Variants in WDR45 observed in about 807,000 individuals in gnomAD.
The protein encoded by WDR45 is WD repeat domain 45, also known as WD repeat domain phosphoinositide-interacting protein 4.
A neutral mutation model predicts 27.3 loss-of-function variants in WDR45; 2 were observed. That is an observed-to-expected ratio of 0.07 (90% confidence interval 0.03 to 0.23). The LOEUF (loss-of-function observed/expected upper bound fraction) is 0.23. WDR45 is among the 10% of genes least tolerant of loss of function. WDR45 has a pLI of 1.00. For missense variants in WDR45, 175 were observed against 311.9 expected (o/e 0.56, Z 3.31); for synonymous variants, 99 against 119.2 (o/e 0.83, Z 1.11).
At chrX:49,092,231 C>T (rs950139496) in intron 2 of WDR45, among the ~76,000 whole-genome samples, 3 of 108,647 alleles carry the variant, frequency 2.8e-5, no homozygotes, top group Non-Finnish European at 5.7e-5. Context: ...AAAGCAGATC[C>T]GTGGTTGCTT....
chrX:49,074,958 A>G, intron 10 of WDR45, 46 bp from the exon 11 acceptor site: 1 of 1,137,775 alleles, frequency 8.8e-7, no homozygotes, highest in Non-Finnish European at 1.2e-6. Context: ...CCACAGCCAC[A>G]GGCTCCAGTC....
intron 1 of WDR45, among the ~76,000 whole-genome samples, chrX:49,078,435 T>C (rs1426688946): frequency 9.0e-6 from 1 of 111,565 alleles, no homozygotes; most frequent in East Asian, 2.8e-4. Context: ...GGCAGGAGAA[T>C]TGCTTGAACC....
At chrX:49,086,991 T>A (rs886588009) in intron 2 of WDR45, among the ~76,000 whole-genome samples, 4 of 111,523 alleles carry the variant, frequency 3.6e-5, no homozygotes, top group African/African-American at 1.3e-4. Context: ...CAGCCTAGTT[T>A]TATTTTCTCA....
At chrX:49,086,684 C>T (rs781812045) in intron 2 of WDR45, among the ~76,000 whole-genome samples, 53 of 111,173 alleles carry the variant, frequency 4.8e-4, no homozygotes, top group African/African-American at 1.7e-3. Flanking sequence ...GCCTCCGTCT[C>T]CTGGGTTCAA....
chrX:49,075,602 T>A lies in WDR45; in HGVS notation c.668A>T (p.Gln223Leu). The change falls in exon 8 of 11, where the codon CAA (glutamine) becomes CTA (leucine). Residue 223 changes from glutamine to leucine, a missense_variant. Around this residue, in one of 3 missense-constraint regions of WDR45, gnomAD observed 71 missense variants for 123.0 expected, o/e 0.58. Transcript: ENST00000376372. ...CAGCTCCACCAGTTTCTCCTTGGAT[T>A]GTGTGTCAAAGAGGCGAATAAGGGT... The part of the protein sequence containing the change: ...KGTLIRLFDT[Q>L]SKEKLVELRR... 1 of 1,211,519 alleles carries A rather than the reference T, an allele frequency of 8.3e-7. No homozygotes were observed. The highest frequency in any genetic ancestry group is 1.1e-6 in the Non-Finnish European group (1 of 895,430).
intron 2 of WDR45, among the ~76,000 whole-genome samples, chrX:49,089,057 G>A (rs782057035): frequency 9.1e-4 from 102 of 112,295 alleles, no homozygotes; most frequent in Non-Finnish European, 1.8e-3. Context: ...GGAGGCCAAG[G>A]TGGGTGGATC....
At chrX:49,096,279 G>A (rs1223805130) in intron 2 of WDR45, among the ~76,000 whole-genome samples, 12 of 110,899 alleles carry the variant, frequency 1.1e-4, no homozygotes, top group African/African-American at 2.6e-4. Flanking sequence ...CACCTAGGCC[G>A]CAGTGCAGTG....
chrX:49,092,096 G>A (rs1180332750), intron 2 of WDR45, among the ~76,000 whole-genome samples: 4 of 71,753 alleles, frequency 5.6e-5, no homozygotes, highest in African/African-American at 2.2e-4. Flanking sequence ...CTCCAGCCTG[G>A]GCAACAGAGC....
intron 2 of WDR45, among the ~76,000 whole-genome samples, chrX:49,099,273 G>T (rs913106016): frequency 1.3e-4 from 14 of 107,426 alleles, no homozygotes; most frequent in African/African-American, 2.1e-4. Flanking sequence ...GCAGTGAGCC[G>T]AGATCACACC....
rs1444213184 is a variant in WDR45 at position 49,098,508 on chromosome X, A to G, written c.-18+1697T>C. Among the ~76,000 whole-genome samples, 157 of 94,659 alleles carry G rather than the reference A, an allele frequency of 1.7e-3. 1 individual carries two copies. Among genetic ancestry groups the G allele is most frequent in the Non-Finnish European group, 1.1e-3 (53 of 46,408 alleles). The allele number at this position is 94,659 out of a possible 115,157, so 82.2% of individuals were successfully genotyped here. A position where few individuals can be genotyped will look rare whatever the true frequency, so the allele number is the denominator to read the frequency against. On this transcript the variant is annotated intron_variant, in intron 2 of 11. Transcript: ENST00000356463. ...GAGAACCTATCTTAAAAAAAAAAAG[A>G]AAAAAAAAAGGTAATAAAGGCTGGG...
At chrX:49,087,448 G>A (rs2065090271) in intron 2 of WDR45, among the ~76,000 whole-genome samples, 1 of 112,031 alleles carries the variant, frequency 8.9e-6, no homozygotes, top group Non-Finnish European at 1.9e-5. Context: ...ACTTGAACCC[G>A]GGAGGTGGAG....
chrX:49,100,611 A>C, intron 1 of WDR45: 1 of 114,224 alleles, frequency 8.8e-6, no homozygotes. Flanking sequence ...AGACGTGTCA[A>C]CGCAGCCATC....
chrX:49,092,308 A>G (rs1190352306), intron 2 of WDR45, among the ~76,000 whole-genome samples: 3 of 108,835 alleles, frequency 2.8e-5, no homozygotes, highest in African/African-American at 6.7e-5. Flanking sequence ...AGATGATGAT[A>G]TGTCCACTAT....
chrX:49,078,350 C>T (rs782274363), intron 1 of WDR45, among the ~76,000 whole-genome samples: 76 of 112,100 alleles, frequency 6.8e-4, no homozygotes, highest in African/African-American at 2.4e-3. Context: ...GGTGAAATCC[C>T]GTCTCTAATA....
At position 49,075,207 on chromosome X, in the gene WDR45, G is replaced by A; in HGVS notation, c.902C>T (p.Thr301Ile). The A allele has an allele frequency of 8.2e-7, 1 of 1,212,380 alleles. No homozygotes were observed. Among genetic ancestry groups the A allele is most frequent in the East Asian group, 3.0e-5 (1 of 33,859 alleles). ...VDSQWSLASF[T>I]VPAESACICA... ...GATGCAAGCTGACTCAGCAGGCACA[G>A]TGAAGCTCGCCAGGCTCCACTGAGA... Residue 301 changes from threonine to isoleucine, a missense_variant, in exon 10 of 11, where the codon ACT becomes ATT. Coordinates refer to ENST00000376372, the MANE Select transcript of WDR45 (RefSeq NM_001029896.2).
chrX:49,086,084 G>GTAAAT (rs2065085228), intron 2 of WDR45, among the ~76,000 whole-genome samples: 1 of 111,370 alleles, frequency 9.0e-6, no homozygotes, highest in Non-Finnish European at 1.9e-5. Flanking sequence ...ACTCTGCTCA[G>GTAAAT]ACCCAGTTGA....
chrX:49,078,420 G>A (rs1301299262), intron 1 of WDR45, among the ~76,000 whole-genome samples: 1 of 112,023 alleles, frequency 8.9e-6, no homozygotes, highest in African/African-American at 3.2e-5. Context: ...TACTCAGGAG[G>A]CTGAGGCAGG....
upstream of WDR45, among the ~76,000 whole-genome samples, chrX:49,082,495 A>T (rs2065071385): frequency 9.0e-6 from 1 of 110,822 alleles, no homozygotes; most frequent in South Asian, 3.8e-4. Flanking sequence ...AACAAGGCCA[A>T]TCATCTGGCT....
intron 2 of WDR45, among the ~76,000 whole-genome samples, chrX:49,092,202 T>TTTTGTATATA (rs2065109944): frequency 9.2e-6 from 1 of 108,686 alleles, no homozygotes; most frequent in Non-Finnish European, 1.9e-5. Flanking sequence ...CTTTGTTATA[T>TTTTGTATATA]TTTGTATGCT....
Sources: allele counts gnomAD v4.1 joint callset (sites outside exome capture counted in the v4.1 genomes callset), GRCh38; gene constraint gnomAD v4.1.1; regional missense constraint gnomAD v4.1.1; transcripts MANE v1.5; gene names NCBI Gene and HGNC (gene_info 2026-07-23, HGNC 2026-07-21).